The following THRB variants were observed in gnomAD, a reference collection of about 807,000 sequenced individuals.
THRB encodes the protein thyroid hormone receptor beta, also known as nuclear receptor subfamily 1 group A member 2.
Under a neutral mutation model 47.8 loss-of-function variants are expected in THRB, and 12 were observed. The observed-to-expected ratio is 0.25, with a 90% CI of 0.16 to 0.41. The LOEUF is 0.41. THRB is among the 10% of genes least tolerant of loss of function. The probability of loss-of-function intolerance (pLI) is 1.00; values close to 1 mark genes in which losing one functional copy is unlikely to be tolerated. For synonymous variants in THRB, 218 were observed against 212.2 expected (o/e 1.03, Z -0.24); for missense variants, 348 against 589.2 (o/e 0.59, Z 4.24).
At chr3:24,488,666 AAT>A in intron 1 of THRB, among the ~76,000 whole-genome samples, 1 of 152,170 alleles carries the variant, frequency 6.6e-6, no homozygotes, top group Non-Finnish European at 1.5e-5. Context: ...ACTAGAATAA[AAT>A]AAGCTATTCA....
intron 4 of THRB, among the ~76,000 whole-genome samples, chr3:24,210,219 A>G (rs927289870): frequency 1.3e-5 from 2 of 152,174 alleles, no homozygotes; most frequent in Non-Finnish European, 2.9e-5. Flanking sequence ...CTCAGGACAC[A>G]TTTACCTAGA....
At chr3:24,491,977 G>C (rs1472110651) in intron 1 of THRB, among the ~76,000 whole-genome samples, 1 of 152,220 alleles carries the variant, frequency 6.6e-6, no homozygotes, top group Non-Finnish European at 1.5e-5. Flanking sequence ...TGGAAGACCA[G>C]CTTTTATTTC....
chr3:24,470,760 G>T (rs940060056), intron 1 of THRB, among the ~76,000 whole-genome samples: 3 of 152,138 alleles, frequency 2.0e-5, no homozygotes, highest in Non-Finnish European at 2.9e-5. Flanking sequence ...GGGATTACAG[G>T]CACTTGCCAC....
intron 1 of THRB, among the ~76,000 whole-genome samples, chr3:24,464,911 A>C (rs2074011776): frequency 6.6e-6 from 1 of 152,136 alleles, no homozygotes; most frequent in African/African-American, 2.4e-5. Context: ...TATAGTAGTT[A>C]AGTTCTGTAT....
chr3:24,211,262 C>A (rs1032443494), intron 4 of THRB, among the ~76,000 whole-genome samples: 1 of 151,540 alleles, frequency 6.6e-6, no homozygotes, highest in Non-Finnish European at 1.5e-5. Flanking sequence ...TCATAATACA[C>A]ATAAGTATAT....
intron 1 of THRB, among the ~76,000 whole-genome samples, chr3:24,363,211 C>T (rs566351949): frequency 5.9e-5 from 9 of 152,156 alleles, no homozygotes; most frequent in South Asian, 2.1e-4. Context: ...GATCTTAAAT[C>T]GCCTAAGACA....
In THRB at chr3:24,285,132, C is replaced by T. The variant is rs563208644; in HGVS notation, c.-43+12094G>A. Among the ~76,000 whole-genome samples the T allele has an allele frequency of 2.6e-3, 396 of 149,740 alleles. 8 individuals are homozygous for T. The highest frequency in any genetic ancestry group is 0.024 in the East Asian group (121 of 5,034). ...ATGCTGCTATAAAGACACATGCACA[C>T]ATATGTTTATTGCGGCATTATTCAC... On this transcript the variant is annotated intron_variant, in intron 3 of 10. Coordinates refer to ENST00000646209, the MANE Select transcript of THRB (RefSeq NM_001354712.2).
At chr3:24,339,228 CTG>C (rs1330513118) in intron 1 of THRB, among the ~76,000 whole-genome samples, 1 of 152,088 alleles carries the variant, frequency 6.6e-6, no homozygotes, top group Non-Finnish European at 1.5e-5. Flanking sequence ...GAACTTGACT[CTG>C]TGAAAAACCT....
At chr3:24,254,237 A>C (rs1366011028) in intron 3 of THRB, among the ~76,000 whole-genome samples, 2 of 108,216 alleles carry the variant, frequency 1.8e-5, no homozygotes, top group African/African-American at 6.6e-5. Flanking sequence ...AAAAAAAAAA[A>C]AAAAAAAATT....
chr3:24,292,917 C>A (rs538585809), intron 3 of THRB, among the ~76,000 whole-genome samples: 1 of 152,088 alleles, frequency 6.6e-6, no homozygotes, highest in Non-Finnish European at 1.5e-5. Flanking sequence ...TGAAAAAAAA[C>A]AGAACTTTGG....
At chr3:24,250,171 C>G (rs2050521705) in intron 3 of THRB, among the ~76,000 whole-genome samples, 1 of 152,172 alleles carries the variant, frequency 6.6e-6, no homozygotes, top group Admixed American at 6.5e-5. Flanking sequence ...CTTTTCTTAA[C>G]TAATAAAACA....
Position 24,268,735 on chromosome 3 carries a change from G to C in THRB, c.-43+28491C>G, listed in dbSNP as rs147981937. Among the ~76,000 whole-genome samples, 662 of 152,080 alleles carry C rather than the reference G, an allele frequency of 4.4e-3. 9 individuals carry two copies. Among genetic ancestry groups the C allele is most frequent in the African/African-American group, 0.014 (587 of 41,510 alleles). On this transcript the variant is annotated intron_variant, in intron 3 of 10. Coordinates refer to ENST00000646209, the MANE Select transcript of THRB (RefSeq NM_001354712.2). The stretch of plus-strand genomic sequence containing the variant: ...AATCTAGAAAGAATGTTCTTCAAAT[G>C]TTTGTGCCTGTTATCTCTGGGTGTT...
Position 24,229,016 on chromosome 3 carries a change from T to A in THRB, c.-42-15A>T. ...ACTGACATCTCCTACAAGGAAAAAA[T>A]ACAAAAAAAATCACAGATTATAATC... On this transcript the variant is annotated splice_polypyrimidine_tract_variant and intron_variant, in intron 3 of 10. Transcript: ENST00000646209. The A allele has an allele frequency of 7.8e-7, 1 of 1,281,126 alleles. No individual in the cohort carries two copies. Among genetic ancestry groups the A allele is most frequent in the African/African-American group, 1.6e-5 (1 of 62,096 alleles). The allele number at this position is 1,281,126 out of a possible 1,614,324, so 79.4% of individuals were successfully genotyped here.
intron 1 of THRB, among the ~76,000 whole-genome samples, chr3:24,448,591 C>G (rs962741419): frequency 2.0e-5 from 3 of 152,136 alleles, no homozygotes; most frequent in African/African-American, 7.2e-5. Flanking sequence ...TGTATACCTC[C>G]CATCTTGACA....
chr3:24,414,926 A>C (rs1175155027), intron 1 of THRB, among the ~76,000 whole-genome samples: 1 of 151,874 alleles, frequency 6.6e-6, no homozygotes, highest in Non-Finnish European at 1.5e-5. Context: ...AAAAGGCTCA[A>C]GTTAATGTGT....
At chr3:24,477,900 A>C (rs758071283) in intron 1 of THRB, among the ~76,000 whole-genome samples, 5 of 150,046 alleles carry the variant, frequency 3.3e-5, no homozygotes, top group Non-Finnish European at 7.4e-5. Flanking sequence ...GATTACCTGA[A>C]TATGTGGACA....
intron 2 of THRB, among the ~76,000 whole-genome samples, chr3:24,306,711 A>T (rs2057364996): frequency 6.6e-6 from 1 of 152,214 alleles, no homozygotes; most frequent in Non-Finnish European, 1.5e-5. Context: ...CCTCCAGCCC[A>T]TTGCTCAAAG....
chr3:24,163,570 A>C (rs1451987757), intron 5 of THRB, among the ~76,000 whole-genome samples: 1 of 152,188 alleles, frequency 6.6e-6, no homozygotes, highest in East Asian at 1.9e-4. Flanking sequence ...AGTATGTTTA[A>C]TGAGGCAATG....
intron 4 of THRB, among the ~76,000 whole-genome samples, chr3:24,200,587 A>G (rs2044476111): frequency 6.6e-6 from 1 of 152,228 alleles, no homozygotes; most frequent in Non-Finnish European, 1.5e-5. Flanking sequence ...AGAGTAACAT[A>G]TAGGTCCTCC....
Sources: gnomAD v4.1 joint callset for allele counts (sites outside exome capture counted in the v4.1 genomes callset) on GRCh38, gnomAD v4.1.1 for gene constraint, MANE v1.5 for transcripts, NCBI Gene and HGNC (gene_info 2026-07-23, HGNC 2026-07-21) for gene names.